LRP1B: variants seen among roughly 807,000 people sequenced by gnomAD.
LRP1B encodes the protein LDL receptor related protein 1B, also known as low-density lipoprotein receptor-related protein 1B.
A neutral mutation model predicts 556.6 loss-of-function variants in LRP1B; 217 were observed. The observed-to-expected ratio is 0.39, with a 90% confidence interval of 0.35 to 0.44. LRP1B has a LOEUF of 0.44. Ranked by LOEUF, LRP1B falls within the 20% of genes least tolerant of loss-of-function variation. The pLI, the probability that LRP1B is intolerant of heterozygous loss-of-function variation, is 1.00. For synonymous variants in LRP1B, 2,047 were observed against 1,865.8 expected, an observed-to-expected ratio of 1.10 and a Z score of -2.50; for missense variants, 5,053 against 5,620.8, an observed-to-expected ratio of 0.90 and a Z score of 3.23.
chr2:140,633,077 A>G (rs967163890), intron 41 of LRP1B, among the ~76,000 whole-genome samples: 6 of 151,834 alleles, frequency 4.0e-5, no homozygotes, highest in African/African-American at 7.2e-5. Context: ...AAAAGAAAAA[A>G]AAAAGAAAAG....
intron 7 of LRP1B, among the ~76,000 whole-genome samples, chr2:141,165,760 A>C (rs1680225162): frequency 6.6e-6 from 1 of 152,078 alleles, no homozygotes; most frequent in Non-Finnish European, 1.5e-5. Context: ...TGTATGATTA[A>C]ATTCATACTC....
intron 63 of LRP1B, among the ~76,000 whole-genome samples, chr2:140,448,934 T>A (rs1272150598): frequency 1.3e-5 from 2 of 152,066 alleles, no homozygotes; most frequent in Admixed American, 6.6e-5. Context: ...ACAAGGATCA[T>A]AGAGAAGCTC....
intron 63 of LRP1B, among the ~76,000 whole-genome samples, chr2:140,447,549 T>A (rs1686714476): frequency 6.6e-6 from 1 of 152,184 alleles, no homozygotes; most frequent in Admixed American, 6.6e-5. Flanking sequence ...CTTAAGGAAC[T>A]GTTGTGGATG....
At chr2:140,854,626 G>A (rs1041696726) in intron 27 of LRP1B, among the ~76,000 whole-genome samples, 3 of 152,158 alleles carry the variant, frequency 2.0e-5, no homozygotes, top group East Asian at 1.9e-4. Flanking sequence ...TAGCAGACAC[G>A]AACCCATGAG....
At chr2:141,674,505 A>T (rs920915894) in intron 2 of LRP1B, among the ~76,000 whole-genome samples, 1 of 152,114 alleles carries the variant, frequency 6.6e-6, no homozygotes, top group Non-Finnish European at 1.5e-5. Flanking sequence ...TATAATAAAC[A>T]TTCTCATAAA....
chr2:141,053,210 T>A (rs1699086955), intron 10 of LRP1B, among the ~76,000 whole-genome samples: 1 of 152,002 alleles, frequency 6.6e-6, no homozygotes, highest in Non-Finnish European at 1.5e-5. Flanking sequence ...TGGATTTCAT[T>A]TGACTACCTA....
intron 7 of LRP1B, among the ~76,000 whole-genome samples, chr2:141,145,887 G>A (rs1701770263): frequency 7.0e-6 from 1 of 142,006 alleles, no homozygotes; most frequent in African/African-American, 2.6e-5. Flanking sequence ...CAAGGTTTTA[G>A]TGTTATTTCA....
chr2:140,642,095 G>T (rs1045686566), intron 41 of LRP1B, among the ~76,000 whole-genome samples: 1 of 152,178 alleles, frequency 6.6e-6, no homozygotes, highest in Non-Finnish European at 1.5e-5. Flanking sequence ...TGGGGCTGGT[G>T]ATAAGGGCTG....
intron 1 of LRP1B, among the ~76,000 whole-genome samples, chr2:142,062,865 C>T (rs1704972462): frequency 6.6e-6 from 1 of 151,586 alleles, no homozygotes; most frequent in Non-Finnish European, 1.5e-5. Flanking sequence ...ATGGGAACTG[C>T]TCAATATATT....
chr2:141,758,407 CTT>C (rs1282294654), intron 2 of LRP1B, among the ~76,000 whole-genome samples: 2 of 152,004 alleles, frequency 1.3e-5, no homozygotes, highest in Non-Finnish European at 2.9e-5. Context: ...TTAACTAAAT[CTT>C]AAGTTCTGCA....
intron 86 of LRP1B, among the ~76,000 whole-genome samples, chr2:140,262,170 G>T (rs1211885325): frequency 6.6e-6 from 1 of 151,932 alleles, no homozygotes; most frequent in Non-Finnish European, 1.5e-5. Flanking sequence ...GAGCTTCTTG[G>T]GAAAATAGAA....
rs369391920 is a variant in LRP1B, at chr2:140,291,318, A to ATATATATATATTTTTT, written c.12967+6489_12967+6490insAAAAAATATATATATA. Among the ~76,000 whole-genome samples, 156 of 109,312 alleles carry ATATATATATATTTTTT rather than the reference A, an allele frequency of 1.4e-3. 1 individual carries two copies. The highest frequency in any genetic ancestry group is 5.6e-3 in the East Asian group (21 of 3,734). 71.7% of individuals were successfully genotyped at this position (109,312 alleles called of 152,430 possible). A position where few individuals can be genotyped will look rare whatever the true frequency, so the allele number is the denominator to read the frequency against. Reference sequence around the variant, plus strand: ...TTATTTTATATATATATATATATATATTTTTATTATACTTTAAGTTCTAGG... The same window carrying ATATATATATATTTTTT: ...TTATTTTATATATATATATATATATATATATATATATTTTTTTTTTTATTATACTTTAAGTTCTAGG... On this transcript the variant is annotated intron_variant, in intron 84 of 90. Transcript: ENST00000389484.
At chr2:141,169,331 TAAATAAA>T (rs1558907506) in intron 7 of LRP1B, among the ~76,000 whole-genome samples, 1 of 144,936 alleles carries the variant, frequency 6.9e-6, no homozygotes, top group Non-Finnish European at 1.5e-5. Context: ...AATAAATAAA[TAAATAAA>T]GAAGAGATGG....
At chr2:140,768,209 C>T (rs1372031056) in intron 35 of LRP1B, among the ~76,000 whole-genome samples, 1 of 151,830 alleles carries the variant, frequency 6.6e-6, no homozygotes, top group Non-Finnish European at 1.5e-5. Context: ...TTGTGAAGAT[C>T]CCCAGTAATT....
chr2:140,242,584 C>T (rs1370537291), intron 87 of LRP1B, among the ~76,000 whole-genome samples: 2 of 151,104 alleles, frequency 1.3e-5, no homozygotes, highest in Admixed American at 1.3e-4. Context: ...TAAATGGGTT[C>T]ATTCACTATA....
intron 1 of LRP1B, among the ~76,000 whole-genome samples, chr2:142,064,716 A>G (rs1053822051): frequency 2.6e-5 from 4 of 151,594 alleles, no homozygotes; most frequent in African/African-American, 9.7e-5. Flanking sequence ...CACTGAGTAC[A>G]TGTACACACT....
chr2:141,796,010 C>T (rs1228708484), intron 2 of LRP1B, among the ~76,000 whole-genome samples: 1 of 150,528 alleles, frequency 6.6e-6, no homozygotes, highest in African/African-American at 2.4e-5. Flanking sequence ...AAATCTTAAA[C>T]ACAAGCCAAT....
At chr2:141,392,621 G>A (rs1690095977) in intron 3 of LRP1B, among the ~76,000 whole-genome samples, 2 of 152,270 alleles carry the variant, frequency 1.3e-5, no homozygotes, top group East Asian at 3.9e-4. Context: ...TGGAAGCCAA[G>A]TGGAGCAGGA....
chr2:140,748,373 GTA>G (rs1218829527), intron 35 of LRP1B, among the ~76,000 whole-genome samples: 4 of 72,058 alleles, frequency 5.6e-5, no homozygotes, highest in South Asian at 4.7e-4. Flanking sequence ...ATTTATATAT[GTA>G]TATATATTCA....
Sources: gnomAD v4.1 joint callset for allele counts (sites outside exome capture counted in the v4.1 genomes callset) on GRCh38, gnomAD v4.1.1 for gene constraint, MANE v1.5 for transcripts, NCBI Gene and HGNC (gene_info 2026-07-23, HGNC 2026-07-21) for gene names.